LRRC2: variants seen among roughly 807,000 people sequenced by gnomAD.
The protein encoded by LRRC2 is leucine rich repeat containing 2.
LRRC2 carries 27 observed loss-of-function variants against 40.2 expected under a neutral mutation model. The ratio of observed to expected loss-of-function variants is 0.67; its 90% CI spans 0.49 to 0.93. LRRC2 has a LOEUF of 0.93. LRRC2 is among the 40% of genes least tolerant of loss of function. The probability of loss-of-function intolerance (pLI) is 0.00; values close to 1 mark genes in which losing one functional copy is unlikely to be tolerated. For missense variants in LRRC2, 402 were observed against 439.6 expected (o/e 0.91, Z 0.76); for synonymous variants, 147 against 158.9 (o/e 0.92, Z 0.56).
intron 3 of LRRC2, among the ~76,000 whole-genome samples, chr3:46,541,674 G>C (rs1704395037): frequency 6.6e-6 from 1 of 152,188 alleles, no homozygotes; most frequent in Non-Finnish European, 1.5e-5. Context: ...CTCGGCAGTA[G>C]AAGAGCCTGG....
intron 6 of LRRC2, 80 bp from the exon 7 acceptor site, chr3:46,527,661 T>C (rs749240596): frequency 7.8e-5 from 93 of 1,198,022 alleles, no homozygotes; most frequent in Non-Finnish European, 1.1e-4. Context: ...AAATAAATTC[T>C]AACAGGAAGT....
At chr3:46,535,055 T>C (rs1255436140) in intron 4 of LRRC2, among the ~76,000 whole-genome samples, 1 of 152,188 alleles carries the variant, frequency 6.6e-6, no homozygotes, top group Non-Finnish European at 1.5e-5. Context: ...CATGTGAAAA[T>C]TGATTTATTC....
intron 1 of LRRC2, among the ~76,000 whole-genome samples, chr3:46,562,340 C>A (rs1704962412): frequency 6.6e-6 from 1 of 152,108 alleles, no homozygotes; most frequent in African/African-American, 2.4e-5. Flanking sequence ...TGACGGCAGC[C>A]CCTGTGGACA....
chr3:46,555,507 T>C (rs1251489051), intron 1 of LRRC2, among the ~76,000 whole-genome samples: 1 of 152,134 alleles, frequency 6.6e-6, no homozygotes, highest in Non-Finnish European at 1.5e-5. Context: ...TATTTTACTA[T>C]GTCTCTTTGG....
At chr3:46,529,859 G>T (rs370736960) in intron 6 of LRRC2, 46 bp downstream of exon 6, 1 of 1,595,286 alleles carries the variant, frequency 6.3e-7, no homozygotes, top group Non-Finnish European at 8.6e-7. Flanking sequence ...TGTTTGAAGC[G>T]TTAGTAACTA....
intron 6 of LRRC2, among the ~76,000 whole-genome samples, chr3:46,528,383 G>C (rs139709988): frequency 6.6e-6 from 1 of 151,090 alleles, no homozygotes; most frequent in African/African-American, 2.4e-5. Flanking sequence ...CTCCTTCCTT[G>C]GCCTCCCAAA....
intron 7 of LRRC2, among the ~76,000 whole-genome samples, chr3:46,526,096 G>A (rs1271317098): frequency 6.6e-6 from 1 of 152,078 alleles, no homozygotes; most frequent in Non-Finnish European, 1.5e-5. Context: ...GGGATTACAG[G>A]TGCCCGTCAC....
At chr3:46,523,762 C>T (rs184547330) in intron 7 of LRRC2, among the ~76,000 whole-genome samples, 2 of 151,846 alleles carry the variant, frequency 1.3e-5, no homozygotes, top group East Asian at 1.9e-4. Flanking sequence ...CATCTATCCA[C>T]CCATTTATCC....
intron 5 of LRRC2, among the ~76,000 whole-genome samples, chr3:46,531,765 G>A (rs112599014): frequency 6.6e-6 from 1 of 152,172 alleles, no homozygotes; most frequent in African/African-American, 2.4e-5. Flanking sequence ...CTTAGAAGCA[G>A]CCACTTCCTC....
At chr3:46,548,139 T>C (rs1432157378) in intron 2 of LRRC2, among the ~76,000 whole-genome samples, 2 of 152,202 alleles carry the variant, frequency 1.3e-5, no homozygotes, top group African/African-American at 4.8e-5. Flanking sequence ...TGATACCGGC[T>C]CATCCCTATG....
At chr3:46,534,423 C>CTCTTT (rs1559412272) in intron 4 of LRRC2, among the ~76,000 whole-genome samples, 5 of 101,022 alleles carry the variant, frequency 4.9e-5, no homozygotes, top group Non-Finnish European at 1.0e-4. Flanking sequence ...TTCCTTCCTT[C>CTCTTT]CTTTCTTTCT....
rs1703845137 is a variant in LRRC2, at chr3:46,515,515, A to G, written c.*3499T>C. ...CATCATGTCAAATTTTCAAATCTCCATATTTTCACAAGATATATATTCTCC... is the reference window on the plus strand; with the variant it reads ...CATCATGTCAAATTTTCAAATCTCCGTATTTTCACAAGATATATATTCTCC... On this transcript the variant is annotated 3_prime_UTR_variant, in exon 9 of 9. Transcript: ENST00000395905. 1 of 152,168 alleles carries G rather than the reference A, an allele frequency of 6.6e-6. No individual in the cohort carries two copies. The highest frequency in any genetic ancestry group is 1.5e-5 in the Non-Finnish European group (1 of 68,022). The allele number at this position is 152,168 out of a possible 1,614,324, so 9.4% of individuals were successfully genotyped here.
chr3:46,522,365 A>G lies in LRRC2; in HGVS notation c.930-707T>C, dbSNP rs1703978266. 2.0e-5 allele frequency among the ~76,000 whole-genome samples: 3 copies of G among 146,372 alleles called. No individual in the cohort carries two copies. The South Asian group carries it at 6.5e-4, about 32-fold the overall frequency. On this transcript the variant is annotated intron_variant, in intron 7 of 8. Coordinates refer to ENST00000395905, the MANE Select transcript of LRRC2 (RefSeq NM_024512.5). ...ACTCTAGTCTGGGCAACAGAGCGAG[A>G]CTCAATCTCAAAAATAAATAAATAA...
chr3:46,534,423 CCTTTCTTTCTTTCTTT>C (rs754860415), intron 4 of LRRC2, among the ~76,000 whole-genome samples: 17 of 101,106 alleles, frequency 1.7e-4, no homozygotes, highest in South Asian at 7.8e-4. Context: ...TTCCTTCCTT[CCTTTCTTTCTTTCTTT>C]CTTTCTTTCT....
chr3:46,540,657 A>T (rs1704367145), intron 3 of LRRC2, among the ~76,000 whole-genome samples: 1 of 152,200 alleles, frequency 6.6e-6, no homozygotes, highest in Non-Finnish European at 1.5e-5. Context: ...TGCAAAATGA[A>T]AATGCAGGCA....
intron 4 of LRRC2, among the ~76,000 whole-genome samples, chr3:46,533,652 G>A (rs1419001342): frequency 1.3e-5 from 2 of 151,962 alleles, no homozygotes; most frequent in African/African-American, 4.8e-5. Flanking sequence ...GTAATAAATA[G>A]ACTACTGCAC....
intron 4 of LRRC2, among the ~76,000 whole-genome samples, chr3:46,536,516 C>G (rs753452531): frequency 1.3e-5 from 2 of 152,262 alleles, no homozygotes; most frequent in Admixed American, 1.3e-4. Context: ...TGGTCCCCCA[C>G]GGATACCCCT....
Position 46,549,380 on chromosome 3 carries a change from G to C in LRRC2, c.125+2087C>G, listed in dbSNP as rs142344826. Among the ~76,000 whole-genome samples the C allele has an allele frequency of 6.5e-3, 992 of 152,260 alleles. 13 individuals are homozygous for C. The highest frequency in any genetic ancestry group is 0.022 in the African/African-American group (917 of 41,546). ...GAAGCTCAAAAACACCTGTAAAGAA[G>C]GCAAATTTACTACCCCCATTTCTGA... On this transcript the variant is annotated intron_variant, in intron 2 of 8. Transcript: ENST00000395905.
At chr3:46,521,884 T>C (rs1282523821) in intron 7 of LRRC2, among the ~76,000 whole-genome samples, 1 of 152,040 alleles carries the variant, frequency 6.6e-6, no homozygotes, top group East Asian at 1.9e-4. Context: ...GATGGGGAAA[T>C]GAGAGCTCCC....
Sources: allele counts gnomAD v4.1 joint callset (sites outside exome capture counted in the v4.1 genomes callset), GRCh38; gene constraint gnomAD v4.1.1; transcripts MANE v1.5; gene names NCBI Gene and HGNC (gene_info 2026-07-23, HGNC 2026-07-21).